Variants in ITGA8 observed in about 807,000 individuals in gnomAD.
ITGA8 encodes the protein integrin subunit alpha 8.
Under a neutral mutation model 142.3 loss-of-function variants are expected in ITGA8, and 91 were observed. The ratio of observed to expected loss-of-function variants is 0.64; its 90% CI spans 0.54 to 0.76. The LOEUF is 0.76. Ranked by LOEUF, ITGA8 falls within the 30% of genes least tolerant of loss-of-function variation. The pLI, the probability that ITGA8 is intolerant of heterozygous loss-of-function variation, is 0.00. For missense variants in ITGA8, 1,406 were observed against 1,327.7 expected (o/e 1.06, Z -0.92); for synonymous variants, 505 against 485.2 (o/e 1.04, Z -0.54).
At chr10:15,554,582 C>G (rs1833855467) in intron 26 of ITGA8, among the ~76,000 whole-genome samples, 1 of 152,150 alleles carries the variant, frequency 6.6e-6, no homozygotes, top group Admixed American at 6.5e-5. Context: ...CACATGCACC[C>G]AGGTCCCACA....
intron 22 of ITGA8, among the ~76,000 whole-genome samples, chr10:15,591,295 A>T (rs1868995): frequency 0.5 from 74,932 of 151,184 alleles, 18,658 homozygotes; most frequent in East Asian, 0.61. Context: ...TACATCAGAG[A>T]TTTTCAAACT....
At chr10:15,670,168 A>G (rs1834484242) in intron 8 of ITGA8, among the ~76,000 whole-genome samples, 1 of 152,198 alleles carries the variant, frequency 6.6e-6, no homozygotes. Flanking sequence ...GAATTAAACC[A>G]CTTGCATTAG....
At chr10:15,687,539 G>A (rs1055811695) in intron 3 of ITGA8, among the ~76,000 whole-genome samples, 2 of 152,086 alleles carry the variant, frequency 1.3e-5, no homozygotes, top group Non-Finnish European at 2.9e-5. Flanking sequence ...TTTCCTTTCG[G>A]TGTAAAAAGG....
At position 15,687,934 on chromosome 10, in the gene ITGA8, T is replaced by C. The variant is rs750105137; in HGVS notation, c.444+4A>G. On this transcript the variant is annotated splice_donor_region_variant and intron_variant, in intron 3 of 29. Coordinates refer to ENST00000378076, the MANE Select transcript of ITGA8 (RefSeq NM_003638.3). ...AGCAGCACAAGCCCACGGCTCATAC[T>C]CACCACAACTTTTCCTTTGTGAGCT... is the stretch of plus-strand genomic sequence containing the variant. The C allele has an allele frequency of 1.3e-6, 2 of 1,582,902 alleles. No individual in the cohort carries two copies. The highest frequency in any genetic ancestry group is 8.7e-7 in the Non-Finnish European group (1 of 1,151,584).
Position 15,677,649 on chromosome 10 carries a change from A to AAACAGC in ITGA8, c.631-18_631-13dup. 1 of 1,610,966 alleles carries AAACAGC rather than the reference A, an allele frequency of 6.2e-7. No homozygotes were observed. The highest frequency in any genetic ancestry group is 2.2e-5 in the East Asian group (1 of 44,776). ...ATAAGGTCTCCATTCTACAAAACAG[A>AAACAGC]AACAGCAACAGCAACCATAATTGGA... On this transcript the variant is annotated splice_polypyrimidine_tract_variant and intron_variant, in intron 5 of 29. Transcript: ENST00000378076.
intron 20 of ITGA8, among the ~76,000 whole-genome samples, chr10:15,599,025 T>C (rs1833055856): frequency 6.6e-6 from 1 of 151,996 alleles, no homozygotes; most frequent in Non-Finnish European, 1.5e-5. Flanking sequence ...CCCAGAAAAA[T>C]CTTCCGTAAG....
intron 2 of ITGA8, among the ~76,000 whole-genome samples, chr10:15,708,786 G>A (rs1835308490): frequency 6.6e-6 from 1 of 152,138 alleles, no homozygotes; most frequent in Admixed American, 6.5e-5. Flanking sequence ...GTCAATTTCA[G>A]GTGGAAGCTG....
rs758569619 is a variant in ITGA8, at chr10:15,718,913, G to A, written c.210-14C>T. On this transcript the variant is annotated splice_polypyrimidine_tract_variant and intron_variant, in intron 1 of 29. Coordinates refer to ENST00000378076, the MANE Select transcript of ITGA8 (RefSeq NM_003638.3). ...AAGACACTCGCTCTGCAAAAGAGTT[G>A]GAGAAAGTCACTCTTTGGGCGCCAC... The A allele has an allele frequency of 6.8e-5, 110 of 1,613,766 alleles. No individual in the cohort carries two copies. The highest frequency in any genetic ancestry group is 6.7e-5 in the Admixed American group (4 of 59,998).
intron 28 of ITGA8, among the ~76,000 whole-genome samples, chr10:15,529,184 A>G (rs560486913): frequency 6.6e-6 from 1 of 152,174 alleles, no homozygotes; most frequent in Non-Finnish European, 1.5e-5. Flanking sequence ...TCCAGGGCTC[A>G]AGTGATCCTC....
chr10:15,530,742 G>T (rs1833272736), intron 28 of ITGA8, among the ~76,000 whole-genome samples: 1 of 152,118 alleles, frequency 6.6e-6, no homozygotes. Context: ...TGTTTAAAAT[G>T]AAAGAATCAG....
At chr10:15,606,106 G>T (rs955265896) in intron 18 of ITGA8, among the ~76,000 whole-genome samples, 179 bp downstream of exon 18, 1 of 152,110 alleles carries the variant, frequency 6.6e-6, no homozygotes, top group Non-Finnish European at 1.5e-5. Flanking sequence ...AAGAGGAAAG[G>T]CTTCCGAAAA....
At chr10:15,644,252 G>A in intron 12 of ITGA8, 31 bp from the exon 13 acceptor site, 2 of 1,571,648 alleles carry the variant, frequency 1.3e-6, no homozygotes, top group Non-Finnish European at 1.7e-6. Context: ...TGTTTTATGT[G>A]TATATGTATT....
intron 23 of ITGA8, among the ~76,000 whole-genome samples, chr10:15,579,389 A>G (rs1444793491): frequency 6.6e-6 from 1 of 152,074 alleles, no homozygotes; most frequent in African/African-American, 2.4e-5. Context: ...GAAAATATTA[A>G]TCTCATAAAA....
intron 13 of ITGA8, among the ~76,000 whole-genome samples, chr10:15,618,200 T>C (rs1239802488): frequency 6.6e-6 from 1 of 151,508 alleles, no homozygotes; most frequent in Non-Finnish European, 1.5e-5. Flanking sequence ...GTGACAAACA[T>C]ACACACGTAT....
intron 8 of ITGA8, among the ~76,000 whole-genome samples, chr10:15,665,713 T>C (rs1372595700): frequency 2.0e-5 from 3 of 152,170 alleles, no homozygotes; most frequent in Non-Finnish European, 4.4e-5. Context: ...AGGAAGGGAA[T>C]GAGTTTCAGC....
chr10:15,562,332 C>T (rs2131573500), intron 25 of ITGA8, among the ~76,000 whole-genome samples: 1 of 152,334 alleles, frequency 6.6e-6, no homozygotes, highest in African/African-American at 2.4e-5. Context: ...TGAACGTGCG[C>T]CCCGACATCA....
intron 27 of ITGA8, among the ~76,000 whole-genome samples, chr10:15,533,751 C>A (rs569916931): frequency 1.3e-5 from 2 of 152,152 alleles, no homozygotes; most frequent in Non-Finnish European, 2.9e-5. Flanking sequence ...TTTATAAATG[C>A]GAAAGTTTCC....
At chr10:15,567,711 C>T (rs1834103728) in intron 25 of ITGA8, among the ~76,000 whole-genome samples, 1 of 152,092 alleles carries the variant, frequency 6.6e-6, no homozygotes, top group Non-Finnish European at 1.5e-5. Context: ...ACTTCCATGC[C>T]CCTAGGCTGA....
intron 13 of ITGA8, among the ~76,000 whole-genome samples, chr10:15,617,797 G>GT (rs11394513): frequency 0.67 from 102,344 of 151,982 alleles, 35,662 homozygotes; most frequent in South Asian, 0.86. Flanking sequence ...AAATTTAGAT[G>GT]TAAGAAAACT....
Sources: allele counts gnomAD v4.1 joint callset (sites outside exome capture counted in the v4.1 genomes callset), GRCh38; gene constraint gnomAD v4.1.1; transcripts MANE v1.5; gene names NCBI Gene and HGNC (gene_info 2026-07-23, HGNC 2026-07-21).